Variants in WDFY3 observed in about 807,000 individuals in gnomAD.
The protein encoded by WDFY3 is WD repeat and FYVE domain-containing protein 3.
In WDFY3, 66 loss-of-function variants were observed where a neutral mutation model predicts 409.6. That is an observed-to-expected ratio of 0.16 (90% CI 0.13 to 0.20). The LOEUF (loss-of-function observed/expected upper bound fraction) is 0.20, where lower values mean the gene tolerates loss of function less well. Among genes scored for constraint, WDFY3 ranks in the 10% least tolerant of loss-of-function variants. The pLI, the probability that WDFY3 is intolerant of heterozygous loss-of-function variation, is 1.00. For missense variants in WDFY3, 3,031 were observed against 4,298.1 expected (o/e 0.71, Z 8.24); for synonymous variants, 1,521 against 1,537.1 (o/e 0.99, Z 0.25).
At chr4:84,766,125 T>C (rs1248522576) in intron 31 of WDFY3, 98 bp from the exon 32 acceptor site, 7 of 1,490,056 alleles carry the variant, frequency 4.7e-6, no homozygotes, top group Non-Finnish European at 6.4e-6. Flanking sequence ...AGTTTCATTC[T>C]GGAGATACTA....
At position 84,825,408 on chromosome 4, in the gene WDFY3, C is replaced by A. The variant is rs529980447; in HGVS notation, c.1123+1407G>T. Among the ~76,000 whole-genome samples the A allele has an allele frequency of 1.5e-4, 22 of 150,554 alleles. 1 individual carries two copies. In the East Asian group the frequency reaches 4.1e-3, roughly 28 times the overall value. ...GAGAAAGGGGGTCTTGCTCTGTCACCCAGGCTGGAGTGCAGTGGTGTGATG... is the reference window on the plus strand; with the variant it reads ...GAGAAAGGGGGTCTTGCTCTGTCACACAGGCTGGAGTGCAGTGGTGTGATG... On this transcript the variant is annotated intron_variant, in intron 10 of 67. Transcript: ENST00000295888.
intron 13 of WDFY3, 135 bp downstream of exon 13, chr4:84,817,257 G>A (rs184098766): frequency 1.4e-5 from 15 of 1,056,988 alleles, no homozygotes; most frequent in East Asian, 4.8e-5. Context: ...AGTTCCTAAC[G>A]TGTACAAAGT....
intron 44 of WDFY3, 43 bp downstream of exon 44, chr4:84,733,339 A>C (rs1433198996): frequency 6.3e-7 from 1 of 1,575,832 alleles, no homozygotes; most frequent in Admixed American, 1.9e-5. Flanking sequence ...GGAAAATAAA[A>C]ACTTGAAAGA....
At chr4:84,731,692 T>C (rs1736634888) in intron 44 of WDFY3, among the ~76,000 whole-genome samples, 1 of 152,352 alleles carries the variant, frequency 6.6e-6, no homozygotes, top group East Asian at 1.9e-4. Context: ...CGGTTGTAGA[T>C]GTGAACTCTT....
intron 3 of WDFY3, among the ~76,000 whole-genome samples, chr4:84,876,180 T>C (rs182006252): frequency 2.0e-5 from 3 of 152,314 alleles, no homozygotes; most frequent in East Asian, 3.9e-4. Context: ...ACAACACTTA[T>C]GACATCACTA....
At chr4:84,714,702 G>C (rs969338247) in intron 50 of WDFY3, among the ~76,000 whole-genome samples, 4 of 152,048 alleles carry the variant, frequency 2.6e-5, no homozygotes, top group Non-Finnish European at 5.9e-5. Context: ...TGTAATCCTA[G>C]CACTTTGGGA....
At chr4:84,960,742 T>A (rs1774805838) in intron 1 of WDFY3, among the ~76,000 whole-genome samples, 1 of 152,078 alleles carries the variant, frequency 6.6e-6, no homozygotes, top group African/African-American at 2.4e-5. Context: ...CCTCCCAAAG[T>A]GCTGGGATTA....
At chr4:84,938,537 C>A (rs561398779) in intron 1 of WDFY3, among the ~76,000 whole-genome samples, 22 of 152,220 alleles carry the variant, frequency 1.4e-4, no homozygotes, top group Non-Finnish European at 2.4e-4. Context: ...GGCCGTAACA[C>A]CAGCACACAG....
rs533133215 is a variant in WDFY3, at chr4:84,880,729, T to A, written c.-32+16182A>T. ...TATATATATATATATATATATATGT[T>A]TTTTTGGAGACAGAGTCTTGCTCTG... On this transcript the variant is annotated intron_variant, in intron 3 of 67. Coordinates refer to ENST00000295888, the MANE Select transcript of WDFY3 (RefSeq NM_014991.6). Among the ~76,000 whole-genome samples, 862 of 86,766 alleles carry A rather than the reference T, an allele frequency of 9.9e-3. 8 individuals carry two copies. The highest frequency in any genetic ancestry group is 0.043 in the South Asian group (109 of 2,546). 56.9% of individuals were successfully genotyped at this position (86,766 alleles called of 152,430 possible). A position where few individuals can be genotyped will look rare whatever the true frequency, so the allele number is the denominator to read the frequency against.
In WDFY3 at chr4:84,733,275, T is replaced by C. The variant is rs574571944; in HGVS notation, c.7221+107A>G. 4 of 1,279,552 alleles carry C rather than the reference T, an allele frequency of 3.1e-6. No individual in the cohort carries two copies. In the African/African-American group the frequency reaches 4.5e-5, roughly 14 times the overall value. The allele number at this position is 1,279,552 out of a possible 1,614,324, so 79.3% of individuals were successfully genotyped here. ...TCAATTTAATAGCGTATGTTGAATT[T>C]TTAAAATTAGCTATTTGAGGTAATT... On this transcript the variant is annotated intron_variant, in intron 44 of 67. Transcript: ENST00000295888.
chr4:84,729,707 T>G (rs1185470127), intron 44 of WDFY3, among the ~76,000 whole-genome samples: 1 of 152,006 alleles, frequency 6.6e-6, no homozygotes, highest in Non-Finnish European at 1.5e-5. Flanking sequence ...AATCACCTGA[T>G]TTATTTCTAA....
intron 2 of WDFY3, among the ~76,000 whole-genome samples, chr4:84,902,426 G>T (rs944460888): frequency 6.6e-6 from 1 of 152,074 alleles, no homozygotes; most frequent in Admixed American, 6.6e-5. Context: ...ACTGGCATAC[G>T]ATTAAAATCT....
chr4:84,862,727 C>A (rs2150225812), intron 3 of WDFY3, among the ~76,000 whole-genome samples: 1 of 152,240 alleles, frequency 6.6e-6, no homozygotes, highest in East Asian at 1.9e-4. Flanking sequence ...GCGGCTGACG[C>A]CTGTAATCCC....
At chr4:84,890,523 G>T (rs1281023236) in intron 3 of WDFY3, among the ~76,000 whole-genome samples, 1 of 152,198 alleles carries the variant, frequency 6.6e-6, no homozygotes, top group East Asian at 1.9e-4. Flanking sequence ...TGGCTGCTGG[G>T]AGGCAGTGCA....
chr4:84,795,980 T>C (rs1025879534), intron 19 of WDFY3, among the ~76,000 whole-genome samples: 10 of 152,062 alleles, frequency 6.6e-5, no homozygotes, highest in African/African-American at 2.4e-4. Flanking sequence ...TAAATTATTA[T>C]ACTAGGTAAT....
At chr4:84,725,721 A>C (rs1029861190) in intron 45 of WDFY3, among the ~76,000 whole-genome samples, 2 of 152,222 alleles carry the variant, frequency 1.3e-5, no homozygotes, top group Non-Finnish European at 2.9e-5. Context: ...AAACTCAAAT[A>C]ATCAATATGC....
chr4:84,941,510 C>T (rs528016302), intron 1 of WDFY3, among the ~76,000 whole-genome samples: 1 of 151,958 alleles, frequency 6.6e-6, no homozygotes, highest in East Asian at 1.9e-4. Flanking sequence ...TCATTGATAA[C>T]AATGATGAAA....
intron 3 of WDFY3, among the ~76,000 whole-genome samples, chr4:84,896,261 T>C (rs1264132657): frequency 6.6e-6 from 1 of 150,876 alleles, no homozygotes; most frequent in African/African-American, 2.4e-5. Context: ...TCTCAAAAAA[T>C]AAAGTAAAAT....
At chr4:84,839,228 T>C (rs959033299) in intron 6 of WDFY3, among the ~76,000 whole-genome samples, 2 of 151,966 alleles carry the variant, frequency 1.3e-5, no homozygotes, top group African/African-American at 4.8e-5. Context: ...ATATTACTTA[T>C]ATTAAATATC....
Sources: allele counts gnomAD v4.1 joint callset (sites outside exome capture counted in the v4.1 genomes callset), GRCh38; gene constraint gnomAD v4.1.1; transcripts MANE v1.5; gene names NCBI Gene and HGNC (gene_info 2026-07-23, HGNC 2026-07-21).